EDNRB: variants seen among roughly 807,000 people sequenced by gnomAD.
EDNRB encodes the protein Hirschsprung disease 2.
A neutral mutation model predicts 46.4 loss-of-function variants in EDNRB; 18 were observed. The observed-to-expected ratio is 0.39, with a 90% confidence interval of 0.27 to 0.57. EDNRB has a LOEUF of 0.57. Ranked by LOEUF, EDNRB falls within the 20% of genes least tolerant of loss-of-function variation. EDNRB has a pLI of 0.61. For missense variants in EDNRB, 434 were observed against 537.5 expected (o/e 0.81, Z 1.90); for synonymous variants, 213 against 204.9 (o/e 1.04, Z -0.34).
intron 1 of EDNRB, among the ~76,000 whole-genome samples, chr13:77,932,003 T>C (rs976517877): frequency 5.3e-5 from 8 of 151,770 alleles, no homozygotes; most frequent in African/African-American, 1.9e-4. Flanking sequence ...AAGTAATATT[T>C]GAATCTGGTT....
intron 1 of EDNRB, among the ~76,000 whole-genome samples, chr13:77,974,981 A>C (rs1881844948): frequency 6.6e-6 from 1 of 152,136 alleles, no homozygotes; most frequent in Non-Finnish European, 1.5e-5. Flanking sequence ...CACCACATGC[A>C]CACCACAAAA....
chr13:77,935,973 G>A (rs571633199), intron 1 of EDNRB, among the ~76,000 whole-genome samples: 4 of 152,278 alleles, frequency 2.6e-5, no homozygotes, highest in African/African-American at 9.6e-5. Context: ...GTAAAATGGG[G>A]GAATTGTAAG....
upstream of EDNRB, chr13:77,919,929 C>T: frequency 9.0e-6 from 2 of 221,678 alleles, no homozygotes; most frequent in Non-Finnish European, 1.8e-5. Context: ...GTAAATGTTC[C>T]GCCGCTGTGA....
intron 1 of EDNRB, among the ~76,000 whole-genome samples, chr13:77,973,527 CA>C (rs1205435734): frequency 6.6e-6 from 1 of 151,878 alleles, no homozygotes; most frequent in African/African-American, 2.4e-5. Context: ...CCGATGTTTA[CA>C]CACAGATTTT....
chr13:77,904,934 T>G (rs1879200027), intron 1 of EDNRB, among the ~76,000 whole-genome samples: 1 of 152,010 alleles, frequency 6.6e-6, no homozygotes, highest in Admixed American at 6.6e-5. Flanking sequence ...CTGAGTTGAT[T>G]GTTCTATAAC....
upstream of EDNRB, among the ~76,000 whole-genome samples, chr13:77,922,755 C>T (rs889315799): frequency 6.6e-6 from 1 of 152,138 alleles, no homozygotes; most frequent in African/African-American, 2.4e-5. Flanking sequence ...AATGTATGTA[C>T]AGTGAAATGG....
At chr13:77,967,975 A>G (rs762739701) in intron 1 of EDNRB, among the ~76,000 whole-genome samples, 1 of 152,166 alleles carries the variant, frequency 6.6e-6, no homozygotes, top group African/African-American at 2.4e-5. Context: ...TGCATTGTTC[A>G]TATAAATGTG....
At chr13:77,962,036 T>C (rs957497090) in intron 1 of EDNRB, among the ~76,000 whole-genome samples, 2 of 152,052 alleles carry the variant, frequency 1.3e-5, no homozygotes, top group Non-Finnish European at 2.9e-5. Flanking sequence ...CTAGAAGAAA[T>C]GGATAAATTC....
At chr13:77,927,012 T>A (rs1367317003) in intron 1 of EDNRB, among the ~76,000 whole-genome samples, 1 of 152,222 alleles carries the variant, frequency 6.6e-6, no homozygotes, top group Non-Finnish European at 1.5e-5. Context: ...ACTGCCCCCA[T>A]GATTCAAATT....
At chr13:77,956,688 A>T (rs1881250657) in intron 1 of EDNRB, among the ~76,000 whole-genome samples, 1 of 152,226 alleles carries the variant, frequency 6.6e-6, no homozygotes, top group South Asian at 2.1e-4. Flanking sequence ...GGCTAAAATC[A>T]AGGCTGTGTT....
intron 1 of EDNRB, among the ~76,000 whole-genome samples, chr13:77,960,469 T>C (rs1221172077): frequency 2.6e-5 from 4 of 152,090 alleles, no homozygotes; most frequent in African/African-American, 9.7e-5. Context: ...AATAAAATCC[T>C]TTACAGACAA....
At chr13:77,911,657 G>T (rs1012095444) in intron 1 of EDNRB, among the ~76,000 whole-genome samples, 1 of 151,664 alleles carries the variant, frequency 6.6e-6, no homozygotes, top group Non-Finnish European at 1.5e-5. Flanking sequence ...CTCCCTTCAC[G>T]CCTTCTCCTC....
rs200676155 is a variant in EDNRB at position 77,903,228 on chromosome 13, A to T, written c.729T>A (p.Ile243=). 1 of 1,613,052 alleles carries T rather than the reference A, an allele frequency of 6.2e-7. No homozygotes were observed. The change falls in exon 3 of 7, where the codon ATT becomes ATA. Residue 243 remains isoleucine (I), a synonymous_variant. Coordinates refer to ENST00000646607, the MANE Select transcript of EDNRB (RefSeq NM_001122659.3). ...GATAACTTCCTTTGTAGTCCATCGT[A>T]ATTATATCAAAACCTATGGCTTCAG... is the stretch of plus-strand genomic sequence containing the variant. ...AVPEAIGFDI[I]TMDYKGSYLR...
At chr13:77,935,676 G>A (rs1260105812) in intron 1 of EDNRB, among the ~76,000 whole-genome samples, 1 of 152,190 alleles carries the variant, frequency 6.6e-6, no homozygotes, top group Non-Finnish European at 1.5e-5. Flanking sequence ...TGAAGTAATG[G>A]GGGCTGTCTG....
chr13:77,959,169 T>C (rs1474020060), intron 1 of EDNRB, among the ~76,000 whole-genome samples: 2 of 152,236 alleles, frequency 1.3e-5, no homozygotes, highest in Admixed American at 6.5e-5. Context: ...TAAATGTCCC[T>C]GTCTGACAGC....
intron 1 of EDNRB, among the ~76,000 whole-genome samples, chr13:77,944,040 A>T (rs375402002): frequency 6.6e-6 from 1 of 152,102 alleles, no homozygotes; most frequent in Non-Finnish European, 1.5e-5. Context: ...TACATAGAGA[A>T]GTTCATGGGG....
chr13:77,968,927 A>G (rs1308366815), intron 1 of EDNRB, among the ~76,000 whole-genome samples: 3 of 152,202 alleles, frequency 2.0e-5, no homozygotes, highest in African/African-American at 7.2e-5. Context: ...AGGAGTAATG[A>G]GAGACTAACT....
intron 1 of EDNRB, among the ~76,000 whole-genome samples, chr13:77,926,679 T>C (rs8000166): frequency 1.3e-5 from 2 of 151,452 alleles, no homozygotes; most frequent in African/African-American, 4.8e-5. Flanking sequence ...CTCTTCCACC[T>C]CTGCGTGTTA....
At chr13:77,965,433 C>A (rs1324228583) in intron 1 of EDNRB, among the ~76,000 whole-genome samples, 1 of 152,128 alleles carries the variant, frequency 6.6e-6, no homozygotes, top group Non-Finnish European at 1.5e-5. Flanking sequence ...GTGATCAAAT[C>A]TTAGAACAAG....
Sources: gnomAD v4.1 joint callset for allele counts (sites outside exome capture counted in the v4.1 genomes callset) on GRCh38, gnomAD v4.1.1 for gene constraint, MANE v1.5 for transcripts, NCBI Gene and HGNC (gene_info 2026-07-23, HGNC 2026-07-21) for gene names.